Variants in OCA2 observed in about 807,000 individuals in gnomAD.
The protein encoded by OCA2 is OCA2 melanosomal transmembrane protein.
OCA2 carries 77 observed loss-of-function variants against 100.2 expected under a neutral mutation model. That is an observed-to-expected ratio of 0.77 (90% CI 0.64 to 0.93). OCA2 has a LOEUF of 0.93. Ranked by LOEUF, OCA2 falls within the 40% of genes least tolerant of loss-of-function variation. The pLI is 0.00. For synonymous variants in OCA2, 432 were observed against 439.2 expected, an observed-to-expected ratio of 0.98 and a Z score of 0.21; for missense variants, 1,062 against 1,089.1, an observed-to-expected ratio of 0.98 and a Z score of 0.35.
intron 21 of OCA2, among the ~76,000 whole-genome samples, chr15:27,868,114 A>C (rs1413935191): frequency 6.6e-6 from 1 of 152,240 alleles, no homozygotes; most frequent in African/African-American, 2.4e-5. Context: ...GCTGACATGC[A>C]GCTTTTTAGG....
At chr15:27,799,605 C>T (rs561713693) in intron 23 of OCA2, among the ~76,000 whole-genome samples, 3 of 152,080 alleles carry the variant, frequency 2.0e-5, no homozygotes, top group Non-Finnish European at 4.4e-5. Context: ...ATTAGCTGGG[C>T]GTGGTGGTGC....
the OCA2 span, among the ~76,000 whole-genome samples, chr15:27,729,459 G>GCCTT: frequency 6.6e-6 from 1 of 152,056 alleles, no homozygotes; most frequent in Non-Finnish European, 1.5e-5. Context: ...ATATGTATTA[G>GCCTT]CCTTCTATTG....
At chr15:27,777,091 C>A (rs1173248128) in intron 23 of OCA2, among the ~76,000 whole-genome samples, 1 of 152,034 alleles carries the variant, frequency 6.6e-6, no homozygotes. Context: ...TGCTCCACAC[C>A]CTAGAGGTGC....
At chr15:27,841,571 A>C (rs1228746379) in intron 23 of OCA2, among the ~76,000 whole-genome samples, 1 of 152,258 alleles carries the variant, frequency 6.6e-6, no homozygotes, top group East Asian at 1.9e-4. Flanking sequence ...AAATGGAGCT[A>C]AAGTTTATCC....
chr15:27,853,672 C>T (rs2035847368), intron 21 of OCA2, among the ~76,000 whole-genome samples: 1 of 152,030 alleles, frequency 6.6e-6, no homozygotes, highest in Non-Finnish European at 1.5e-5. Flanking sequence ...GCCATTGAGC[C>T]TGCCTCCGGG....
intron 23 of OCA2, among the ~76,000 whole-genome samples, chr15:27,821,276 TC>T (rs1198773967): frequency 5.3e-5 from 8 of 152,142 alleles, no homozygotes; most frequent in Non-Finnish European, 1.2e-4. Context: ...TTCTGGTAAT[TC>T]TGCTGCTACC....
At chr15:27,887,551 A>G (rs1383136713) in intron 19 of OCA2, among the ~76,000 whole-genome samples, 3 of 150,782 alleles carry the variant, frequency 2.0e-5, no homozygotes, top group African/African-American at 7.3e-5. Flanking sequence ...TCAGGCCAAG[A>G]GACACCCAGG....
intron 18 of OCA2, among the ~76,000 whole-genome samples, chr15:27,930,629 A>G (rs902149781): frequency 2.8e-5 from 3 of 108,438 alleles, no homozygotes; most frequent in African/African-American, 7.8e-5. Context: ...TTTTCTATCT[A>G]CTCTTTTATG....
At chr15:27,785,692 A>G (rs2032780053) in intron 23 of OCA2, among the ~76,000 whole-genome samples, 1 of 152,208 alleles carries the variant, frequency 6.6e-6, no homozygotes, top group Admixed American at 6.5e-5. Flanking sequence ...GCAGTGCCTC[A>G]AAATACTGAG....
At chr15:27,724,500 A>C in the OCA2 span, among the ~76,000 whole-genome samples, 2 of 152,016 alleles carry the variant, frequency 1.3e-5, no homozygotes, top group Non-Finnish European at 2.9e-5. Flanking sequence ...ATCTCCAAAT[A>C]CTGTCCCTTT....
At chr15:27,898,231 C>G (rs990137039) in intron 19 of OCA2, among the ~76,000 whole-genome samples, 1 of 152,154 alleles carries the variant, frequency 6.6e-6, no homozygotes, top group Non-Finnish European at 1.5e-5. Context: ...AATGTAAAGA[C>G]ATTAGATTTG....
chr15:27,789,531 A>G (rs1420088271), intron 23 of OCA2, among the ~76,000 whole-genome samples: 1 of 152,154 alleles, frequency 6.6e-6, no homozygotes, highest in African/African-American at 2.4e-5. Context: ...GTAAACAGCA[A>G]TGAAGAGCCC....
chr15:27,999,148 A>T (rs1191118127), intron 9 of OCA2, among the ~76,000 whole-genome samples: 1 of 152,108 alleles, frequency 6.6e-6, no homozygotes, highest in African/African-American at 2.4e-5. Context: ...ATGTATACAT[A>T]TGTAACTAAC....
intron 23 of OCA2, among the ~76,000 whole-genome samples, chr15:27,831,084 G>A (rs555539151): frequency 6.6e-6 from 1 of 152,130 alleles, no homozygotes; most frequent in African/African-American, 2.4e-5. Flanking sequence ...TCAGGAGATG[G>A]AGACCATCCT....
intron 20 of OCA2, 89 bp from the exon 21 acceptor site, chr15:27,871,347 G>T: frequency 2.1e-6 from 2 of 936,882 alleles, no homozygotes; most frequent in Non-Finnish European, 3.4e-6. Flanking sequence ...GGGCCCGAGG[G>T]TGTTAGTCCT....
chr15:27,811,230 GA>G (rs2034064501), intron 23 of OCA2, among the ~76,000 whole-genome samples: 1 of 152,196 alleles, frequency 6.6e-6, no homozygotes, highest in African/African-American at 2.4e-5. Flanking sequence ...GATGGAGCTG[GA>G]GGCCATTATT....
rs187170950 is a variant in OCA2, at chr15:27,808,278, C to T, written c.2432+36681G>A. Among the ~76,000 whole-genome samples, 480 of 152,296 alleles carry T rather than the reference C, an allele frequency of 3.2e-3. 2 individuals are homozygous for T. The highest frequency in any genetic ancestry group is 0.011 in the African/African-American group (459 of 41,560). On this transcript the variant is annotated intron_variant, in intron 23 of 23. Transcript: ENST00000354638. Reference sequence around the variant, plus strand: ...CAAAGGCATGAATGCCCAGAACAGCCGGAGGATGTTAAGCTGGGGAAGTGA... The same window carrying T: ...CAAAGGCATGAATGCCCAGAACAGCTGGAGGATGTTAAGCTGGGGAAGTGA...
intron 19 of OCA2, among the ~76,000 whole-genome samples, chr15:27,898,981 G>A (rs991061215): frequency 6.6e-6 from 1 of 152,108 alleles, no homozygotes; most frequent in Non-Finnish European, 1.5e-5. Context: ...GACAAAGCTA[G>A]CATAAAGGAA....
chr15:27,805,577 C>T (rs2033805073), intron 23 of OCA2, among the ~76,000 whole-genome samples: 1 of 152,234 alleles, frequency 6.6e-6, no homozygotes, highest in African/African-American at 2.4e-5. Flanking sequence ...CGGGTGTTGG[C>T]GGGAGGGGAG....
Sources: allele counts gnomAD v4.1 joint callset (sites outside exome capture counted in the v4.1 genomes callset), GRCh38; gene constraint gnomAD v4.1.1; transcripts MANE v1.5; gene names NCBI Gene and HGNC (gene_info 2026-07-23, HGNC 2026-07-21).